CCDC88C: variants seen among roughly 807,000 people sequenced by gnomAD.
CCDC88C encodes the protein protein Daple.
In CCDC88C, 131 loss-of-function variants were observed where a neutral mutation model predicts 198.8. That is an observed-to-expected ratio of 0.66 (90% CI 0.57 to 0.76). The LOEUF is 0.76. Ranked by LOEUF, CCDC88C falls within the 30% of genes least tolerant of loss-of-function variation. CCDC88C has a pLI of 0.00. For missense variants in CCDC88C, 2,553 were observed against 2,631.6 expected, an observed-to-expected ratio of 0.97 and a Z score of 0.65; for synonymous variants, 1,166 against 1,114.7, an observed-to-expected ratio of 1.05 and a Z score of -0.92.
chr14:91,323,798 G>A (rs1892457231), intron 12 of CCDC88C, among the ~76,000 whole-genome samples: 1 of 152,254 alleles, frequency 6.6e-6, no homozygotes, highest in Admixed American at 6.5e-5. Context: ...CCAGAGGCAA[G>A]GGATTTGGGG....
Position 91,302,589 on chromosome 14 carries a change from G to C in CCDC88C, c.3635+1112C>G, listed in dbSNP as rs578250102. Among the ~76,000 whole-genome samples, 61 of 152,324 alleles carry C rather than the reference G, an allele frequency of 4.0e-4. 2 individuals carry two copies. In the South Asian group the frequency reaches 0.012, roughly 31 times the overall value. On this transcript the variant is annotated intron_variant, in intron 20 of 29. Coordinates refer to ENST00000389857, the MANE Select transcript of CCDC88C (RefSeq NM_001080414.4). ...TGAACTGTCAAGAGTGCAAAGTTAAGATGTGTGCATTTCAATGTAAGTTTT... is the reference window on the plus strand; with the variant it reads ...TGAACTGTCAAGAGTGCAAAGTTAACATGTGTGCATTTCAATGTAAGTTTT...
In CCDC88C at chr14:91,273,119, C is replaced by T. The variant is rs1475867401; in HGVS notation, c.5593G>A (p.Gly1865Arg). Residue 1865 changes from glycine (G) to arginine (R), a missense_variant, in exon 30 of 30, where the codon GGA (glycine) becomes AGA (arginine). This residue lies in a region of CCDC88C where 1,293 missense variants were observed against 1,219.6 expected (regional missense o/e 1.06). Coordinates refer to ENST00000389857, the MANE Select transcript of CCDC88C (RefSeq NM_001080414.4). This position sits in a 1 kb window ranked among gnomAD's most constrained non-coding sequence, Gnocchi z 5.6. ...SLARERTPLV[G>R]KAGSSCQGPG... ...CCCTGACAGGAGCTGCCAGCCTTTC[C>T]CACAAGTGGGGTCCGCTCCCGGGCC... The T allele has an allele frequency of 1.3e-6, 2 of 1,572,186 alleles. No homozygotes were observed. Among genetic ancestry groups the T allele is most frequent in the Admixed American group, 3.7e-5 (2 of 54,230 alleles).
chr14:91,284,864 C>T lies in CCDC88C; in HGVS notation c.4442-1347G>A, dbSNP rs1048373040. ...TCATATTTTTGTAGGTAATCATAGA[C>T]GGTATCAGGATATGACAAAAATAAC... On this transcript the variant is annotated intron_variant, in intron 25 of 29. Transcript: ENST00000389857. The surrounding 1 kb of genome is among the most constrained non-coding windows in gnomAD (Gnocchi z 4.1). Among the ~76,000 whole-genome samples the T allele has an allele frequency of 5.3e-5, 8 of 152,098 alleles. No homozygotes were observed. The highest frequency in any genetic ancestry group is 1.7e-4 in the African/African-American group (7 of 41,392).
At chr14:91,304,849 A>G (rs148515651) in intron 19 of CCDC88C, among the ~76,000 whole-genome samples, 1 of 152,308 alleles carries the variant, frequency 6.6e-6, no homozygotes, top group East Asian at 1.9e-4. Context: ...TCAATATACT[A>G]TTTTCTTGTT....
intron 2 of CCDC88C, among the ~76,000 whole-genome samples, chr14:91,412,420 C>T (rs1304737516): frequency 1.4e-5 from 2 of 146,982 alleles, no homozygotes; most frequent in African/African-American, 5.1e-5. Context: ...CTAAGATGAA[C>T]ATAGTTTGTG....
rs745731929 is a variant in CCDC88C, at chr14:91,272,886, C to T, written c.5826G>A (p.Lys1942=). 1.3e-6 allele frequency: 2 copies of T among 1,587,992 alleles called. No individual in the cohort carries two copies. The highest frequency in any genetic ancestry group is 1.7e-6 in the Non-Finnish European group (2 of 1,170,852). The change falls in exon 30 of 30, where the codon AAG becomes AAA. Residue 1942 remains lysine (K), a synonymous_variant. Coordinates refer to ENST00000389857, the MANE Select transcript of CCDC88C (RefSeq NM_001080414.4). ...CCACCTCCCCTGAGCGTGGGGGCGC[C>T]TTGGGCTTGGTCCTGGCAGCCGGGG... ...AAAPAARTKP[K]APPRSGEVAT...
At chr14:91,345,082 C>A (rs1893475864) in intron 4 of CCDC88C, among the ~76,000 whole-genome samples, 1 of 150,626 alleles carries the variant, frequency 6.6e-6, no homozygotes, top group African/African-American at 2.4e-5. Context: ...GTGTGAGCCA[C>A]TGCACCTTTT....
At chr14:91,332,766 CT>C in intron 10 of CCDC88C, among the ~76,000 whole-genome samples, 1 of 152,352 alleles carries the variant, frequency 6.6e-6, no homozygotes, top group African/African-American at 2.4e-5. Flanking sequence ...GATTCCTCCC[CT>C]TCCCTCCTCC....
intron 20 of CCDC88C, among the ~76,000 whole-genome samples, chr14:91,302,954 T>C (rs1891367492): frequency 6.6e-6 from 1 of 152,188 alleles, no homozygotes; most frequent in Non-Finnish European, 1.5e-5. Context: ...CTGGAAATAG[T>C]AGAGGCATCC....
chr14:91,298,973 G>A (rs1165110877), intron 21 of CCDC88C, among the ~76,000 whole-genome samples: 2 of 152,176 alleles, frequency 1.3e-5, no homozygotes, highest in African/African-American at 4.8e-5. Context: ...TAAAAAGAAA[G>A]CCAAAAAGAT....
Position 91,273,451 on chromosome 14 carries a change from T to A in CCDC88C, c.5261A>T (p.Asn1754Ile). The change falls in exon 30 of 30, where the codon AAC becomes ATC. Residue 1754 changes from asparagine (N) to isoleucine (I), a missense_variant. Coordinates refer to ENST00000389857, the MANE Select transcript of CCDC88C (RefSeq NM_001080414.4). The surrounding 1 kb of genome is among the most constrained non-coding windows in gnomAD (Gnocchi z 5.6). ...PLKPGQYVKP[N>I]FRLTEAEAPP... ...GGCCTCGGCCTCAGTCAGTCTGAAG[T>A]TTGGCTTTACGTACTGCCCGGGCTT... 6.3e-7 allele frequency: 1 copy of A among 1,589,234 alleles called. No homozygotes were observed. Among genetic ancestry groups the A allele is most frequent in the Non-Finnish European group, 8.6e-7 (1 of 1,166,660 alleles).
In CCDC88C at chr14:91,272,352, T is replaced by A. The variant is rs12878426; in HGVS notation, c.*273A>T. ...GGGAAGTCAGTTTGTCATTGCATCCTAATTGGTCCCCATGCTGACGTGGAT... is the reference window on the plus strand; with the variant it reads ...GGGAAGTCAGTTTGTCATTGCATCCAAATTGGTCCCCATGCTGACGTGGAT... On this transcript the variant is annotated 3_prime_UTR_variant, in exon 30 of 30. Coordinates refer to ENST00000389857, the MANE Select transcript of CCDC88C (RefSeq NM_001080414.4). The A allele has an allele frequency of 8.8e-5, 41 of 468,046 alleles. No homozygotes were observed. The Admixed American group carries it at 1.5e-3, about 17-fold the overall frequency. The allele number at this position is 468,046 out of a possible 1,614,324, so 29.0% of individuals were successfully genotyped here.
At chr14:91,350,987 C>T (rs1454992110) in intron 4 of CCDC88C, among the ~76,000 whole-genome samples, 1 of 152,126 alleles carries the variant, frequency 6.6e-6, no homozygotes, top group African/African-American at 2.4e-5. Context: ...CCTACCATCT[C>T]CTAACTTATT....
intron 3 of CCDC88C, among the ~76,000 whole-genome samples, chr14:91,366,173 C>T (rs1159776465): frequency 7.0e-6 from 1 of 143,434 alleles, no homozygotes; most frequent in African/African-American, 2.9e-5. Flanking sequence ...CACACACACA[C>T]ACACACACAC....
chr14:91,333,473 G>A (rs546920670), intron 10 of CCDC88C, among the ~76,000 whole-genome samples: 1 of 152,248 alleles, frequency 6.6e-6, no homozygotes, highest in Admixed American at 6.5e-5. Flanking sequence ...TTGGGATTTC[G>A]AATTGGTAAA....
chr14:91,309,834 G>A (rs1391195564), intron 16 of CCDC88C, 25 bp downstream of exon 16: 1 of 1,595,718 alleles, frequency 6.3e-7, no homozygotes, highest in Non-Finnish European at 8.6e-7. Context: ...CTCCCACGAT[G>A]GGGAGAGGGA....
At chr14:91,287,601 T>G (rs1181376618) in intron 25 of CCDC88C, among the ~76,000 whole-genome samples, 1 of 150,182 alleles carries the variant, frequency 6.7e-6, no homozygotes, top group East Asian at 2.0e-4. Flanking sequence ...CCCCTCAAAG[T>G]GCTGGGATTA....
intron 18 of CCDC88C, among the ~76,000 whole-genome samples, chr14:91,306,798 C>T (rs997453546): frequency 6.6e-6 from 1 of 152,188 alleles, no homozygotes. Flanking sequence ...CTGAAAGACA[C>T]AACACTACAG....
intron 3 of CCDC88C, among the ~76,000 whole-genome samples, chr14:91,364,004 A>G (rs776679768): frequency 2.0e-5 from 3 of 152,286 alleles, no homozygotes; most frequent in Non-Finnish European, 4.4e-5. Context: ...GGACCACACC[A>G]GGCTGGAGAG....
Sources: allele counts gnomAD v4.1 joint callset (sites outside exome capture counted in the v4.1 genomes callset), GRCh38; gene constraint gnomAD v4.1.1; regional missense constraint gnomAD v4.1.1; non-coding constraint Gnocchi (gnomAD v3.1); transcripts MANE v1.5; gene names NCBI Gene and HGNC (gene_info 2026-07-23, HGNC 2026-07-21).